Variants in UGT1A6 observed in about 807,000 individuals in gnomAD.
The protein encoded by UGT1A6 is UDP-glucuronosyltransferase 1A6.
Under a neutral mutation model 44.4 loss-of-function variants are expected in UGT1A6, and 32 were observed. The ratio of observed to expected loss-of-function variants is 0.72; its 90% CI spans 0.54 to 0.97. The LOEUF is 0.97. UGT1A6 is among the 50% of genes least tolerant of loss of function. The pLI is 0.00. For synonymous variants in UGT1A6, 238 were observed against 248.5 expected, an observed-to-expected ratio of 0.96 and a Z score of 0.40; for missense variants, 685 against 661.9, an observed-to-expected ratio of 1.03 and a Z score of -0.38.
chr2:233,760,477 G>A (rs775184773), intron 1 of UGT1A6: 6 of 1,614,242 alleles, frequency 3.7e-6, no homozygotes, highest in South Asian at 2.2e-5. Flanking sequence ...AGCACCTGAC[G>A]CCTCGTTGTA....
chr2:233,731,986 G>T (rs184170345), intron 1 of UGT1A6, among the ~76,000 whole-genome samples: 1 of 152,194 alleles, frequency 6.6e-6, no homozygotes, highest in Non-Finnish European at 1.5e-5. Context: ...TCTAACTGGC[G>T]TGAGATGGTA....
At chr2:233,707,836 T>C (rs2075990363) in intron 1 of UGT1A6, among the ~76,000 whole-genome samples, 1 of 152,212 alleles carries the variant, frequency 6.6e-6, no homozygotes, top group Non-Finnish European at 1.5e-5. Context: ...TTTAATAAGA[T>C]GTAACTATTT....
chr2:233,697,701 G>T (rs765701149), intron 1 of UGT1A6, among the ~76,000 whole-genome samples: 13 of 151,746 alleles, frequency 8.6e-5, no homozygotes, highest in Non-Finnish European at 1.5e-4. Flanking sequence ...TTGGATGTAG[G>T]CATTTATTGT....
intron 1 of UGT1A6, among the ~76,000 whole-genome samples, chr2:233,756,709 T>A (rs1182039710): frequency 1.3e-5 from 2 of 152,126 alleles, no homozygotes; most frequent in Admixed American, 6.5e-5. Flanking sequence ...TTGGGGGGAC[T>A]TTTTTTGAGA....
chr2:233,754,718 T>C (rs548415116), intron 1 of UGT1A6: 30 of 561,924 alleles, frequency 5.3e-5, no homozygotes, highest in African/African-American at 4.6e-4. Flanking sequence ...TGAAGCTGCC[T>C]GTCCCATCAC....
At chr2:233,754,239 C>A in intron 1 of UGT1A6, 1 of 170,838 alleles carries the variant, frequency 5.9e-6, no homozygotes. Flanking sequence ...CTGGCTCACA[C>A]TTTCCCAACG....
At chr2:233,732,150 T>C (rs1356402869) in intron 1 of UGT1A6, among the ~76,000 whole-genome samples, 1 of 152,152 alleles carries the variant, frequency 6.6e-6, no homozygotes. Flanking sequence ...GTTTTTTTTC[T>C]TGTAAATTTG....
intron 1 of UGT1A6, among the ~76,000 whole-genome samples, chr2:233,753,860 A>G (rs1273913066): frequency 1.3e-5 from 2 of 152,194 alleles, no homozygotes; most frequent in Non-Finnish European, 2.9e-5. Flanking sequence ...CCAACCACAT[A>G]ACCCCAAGGT....
At chr2:233,750,986 G>A (rs1230774000) in intron 1 of UGT1A6, among the ~76,000 whole-genome samples, 5 of 151,784 alleles carry the variant, frequency 3.3e-5, no homozygotes, top group African/African-American at 1.2e-4. Context: ...TTGTGAGAAG[G>A]CGGCCACCAT....
At position 233,772,427 on chromosome 2, in the gene UGT1A6, C is replaced by A; in HGVS notation, c.1467C>A (p.Asp489Glu). The A allele has an allele frequency of 1.2e-6, 2 of 1,614,222 alleles. No individual in the cohort carries two copies. The highest frequency in any genetic ancestry group is 1.7e-6 in the Non-Finnish European group (2 of 1,180,048). ...CCTGGTACCAGTACCATTCCTTGGA[C>A]GTGATTGGTTTCCTCTTGGCCGTCG... is the stretch of plus-strand genomic sequence containing the variant. ...DLTWYQYHSL[D>E]VIGFLLAVVL... Residue 489 changes from aspartate to glutamate, a missense_variant, in exon 5 of 5, where the codon GAC becomes GAA. Physicochemically the swap from Asp to Glu is conservative, Grantham distance 45 (BLOSUM62 2). Transcript: ENST00000305139.
rs190315696 is a variant in UGT1A6 at position 233,744,277 on chromosome 2, A to G, written c.862-22757A>G. On this transcript the variant is annotated intron_variant, in intron 1 of 4. Transcript: ENST00000305139. Reference sequence around the variant, plus strand: ...AACTGTTTTTCTTAAAGTAGGCTTTATATCAGTCTTTTTCCTCGGCCACAG... The same window carrying G: ...AACTGTTTTTCTTAAAGTAGGCTTTGTATCAGTCTTTTTCCTCGGCCACAG... 2.4e-3 allele frequency among the ~76,000 whole-genome samples: 368 copies of G among 151,920 alleles called. 17 individuals carry two copies. Among genetic ancestry groups the G allele is most frequent in the African/African-American group, 8.5e-3 (350 of 41,184 alleles).
At chr2:233,744,513 A>C (rs1259623883) in intron 1 of UGT1A6, among the ~76,000 whole-genome samples, 1 of 151,992 alleles carries the variant, frequency 6.6e-6, no homozygotes, top group Non-Finnish European at 1.5e-5. Context: ...CCCATGACAC[A>C]ATAGCAAATC....
At chr2:233,698,157 G>A (rs1238708263) in intron 1 of UGT1A6, among the ~76,000 whole-genome samples, 4 of 152,108 alleles carry the variant, frequency 2.6e-5, no homozygotes, top group African/African-American at 7.2e-5. Context: ...CCAGCATGTC[G>A]TCCTAGAGAA....
At chr2:233,726,844 C>T (rs1432960908) in intron 1 of UGT1A6, among the ~76,000 whole-genome samples, 1 of 152,154 alleles carries the variant, frequency 6.6e-6, no homozygotes, top group Admixed American at 6.5e-5. Flanking sequence ...AATTTTTGTT[C>T]CTTTTCTCCA....
chr2:233,748,384 T>G (rs546137113), intron 1 of UGT1A6, among the ~76,000 whole-genome samples: 6 of 151,768 alleles, frequency 4.0e-5, no homozygotes, highest in Admixed American at 6.6e-5. Flanking sequence ...ATGTCCTTCA[T>G]TGGGAAGGAG....
intron 1 of UGT1A6, among the ~76,000 whole-genome samples, chr2:233,699,243 G>T (rs1160022756): frequency 1.3e-5 from 2 of 151,972 alleles, no homozygotes; most frequent in East Asian, 3.9e-4. Context: ...TTGTTTTTAG[G>T]CCCCTTTCCT....
intron 1 of UGT1A6, chr2:233,743,709 C>T (rs1301083285): frequency 7.3e-7 from 1 of 1,367,384 alleles, no homozygotes; most frequent in Non-Finnish European, 9.8e-7. Context: ...GCCCCCGCCT[C>T]GCCATAGCGG....
intron 1 of UGT1A6, chr2:233,718,839 G>C: frequency 1.2e-6 from 2 of 1,613,658 alleles, no homozygotes; most frequent in Non-Finnish European, 1.7e-6. Context: ...AGGACTCCAG[G>C]TTCCCCTGCC....
chr2:233,726,214 T>C (rs560651171), intron 1 of UGT1A6, among the ~76,000 whole-genome samples: 20 of 152,276 alleles, frequency 1.3e-4, no homozygotes, highest in Non-Finnish European at 2.5e-4. Context: ...TTAAAAAGTT[T>C]AGAAAACATT....
Sources: allele counts gnomAD v4.1 joint callset (sites outside exome capture counted in the v4.1 genomes callset), GRCh38; gene constraint gnomAD v4.1.1; transcripts MANE v1.5; gene names NCBI Gene and HGNC (gene_info 2026-07-23, HGNC 2026-07-21).